Variants in SEMA3A observed in about 807,000 individuals in gnomAD.
SEMA3A encodes semaphorin-3A.
In SEMA3A, 29 loss-of-function variants were observed where a neutral mutation model predicts 97.9. The ratio of observed to expected loss-of-function variants is 0.30; its 90% CI spans 0.22 to 0.40. SEMA3A has a LOEUF of 0.40. Ranked by LOEUF, SEMA3A falls within the 10% of genes least tolerant of loss-of-function variation. The probability of loss-of-function intolerance (pLI) is 1.00; values close to 1 mark genes in which losing one functional copy is unlikely to be tolerated. For synonymous variants in SEMA3A, 321 were observed against 323.7 expected, an observed-to-expected ratio of 0.99 and a Z score of 0.09; for missense variants, 763 against 951.3, an observed-to-expected ratio of 0.80 and a Z score of 2.60.
At chr7:84,313,028 T>A (rs1801383432) in intron 2 of SEMA3A, among the ~76,000 whole-genome samples, 2 of 143,732 alleles carry the variant, frequency 1.4e-5, no homozygotes. Flanking sequence ...TATGTAGGTA[T>A]ACATACACAT....
At chr7:84,044,059 T>C (rs1420358713) in intron 6 of SEMA3A, among the ~76,000 whole-genome samples, 1 of 152,070 alleles carries the variant, frequency 6.6e-6, no homozygotes, top group Non-Finnish European at 1.5e-5. Flanking sequence ...AGAAAGCCTT[T>C]ATGCCCTTTA....
chr7:84,277,432 A>G (rs1434655942), intron 3 of SEMA3A, among the ~76,000 whole-genome samples: 1 of 152,130 alleles, frequency 6.6e-6, no homozygotes, highest in Non-Finnish European at 1.5e-5. Flanking sequence ...AATAATGAGC[A>G]CATTCACTAC....
intron 1 of SEMA3A, among the ~76,000 whole-genome samples, chr7:84,188,082 C>T (rs182337615): frequency 9.9e-5 from 15 of 152,124 alleles, no homozygotes; most frequent in South Asian, 4.1e-4. Flanking sequence ...TAGTTTCCCA[C>T]GCCACATTTC....
intron 4 of SEMA3A, among the ~76,000 whole-genome samples, chr7:84,063,883 G>A (rs954434518): frequency 4.0e-5 from 6 of 150,156 alleles, no homozygotes; most frequent in Non-Finnish European, 7.4e-5. Flanking sequence ...AATCTAGCAA[G>A]GCAAGCCAAC....
chr7:84,060,013 C>A (rs543929518), intron 5 of SEMA3A, among the ~76,000 whole-genome samples: 19 of 152,112 alleles, frequency 1.2e-4, no homozygotes, highest in Non-Finnish European at 5.9e-5. Flanking sequence ...GAGGAGAAAG[C>A]TAGAAAAGAT....
At chr7:84,127,766 A>T (rs150404898) in intron 3 of SEMA3A, among the ~76,000 whole-genome samples, 4 of 152,312 alleles carry the variant, frequency 2.6e-5, no homozygotes, top group African/African-American at 9.6e-5. Context: ...ACATCATTGT[A>T]GGCAACTGTA....
chr7:84,424,851 A>G (rs1291861565), intron 1 of SEMA3A, among the ~76,000 whole-genome samples: 2 of 79,542 alleles, frequency 2.5e-5, no homozygotes, highest in Non-Finnish European at 4.4e-5. Flanking sequence ...ATTTATATAT[A>G]AATAATTTAT....
intron 3 of SEMA3A, among the ~76,000 whole-genome samples, chr7:84,299,470 T>C (rs765380572): frequency 7.9e-5 from 12 of 151,316 alleles, no homozygotes; most frequent in Non-Finnish European, 1.5e-4. Context: ...GATGCACTTA[T>C]TGGTCAATAT....
At chr7:84,184,904 A>T (rs1797833583) in intron 1 of SEMA3A, among the ~76,000 whole-genome samples, 1 of 152,140 alleles carries the variant, frequency 6.6e-6, no homozygotes, top group Non-Finnish European at 1.5e-5. Context: ...TTAGACAGCA[A>T]CATTGAACAA....
chr7:84,079,143 A>G (rs73378840), intron 4 of SEMA3A, among the ~76,000 whole-genome samples: 2,763 of 152,256 alleles, frequency 0.018, 86 homozygotes, highest in African/African-American at 0.063. Context: ...CAGGCATTTA[A>G]TTTGTTTTTT....
At chr7:84,122,281 C>G (rs914122007) in intron 3 of SEMA3A, among the ~76,000 whole-genome samples, 1 of 152,058 alleles carries the variant, frequency 6.6e-6, no homozygotes, top group Non-Finnish European at 1.5e-5. Context: ...TGAACAGACA[C>G]TTCTCAAAAG....
At chr7:84,053,672 C>A (rs1287173462) in intron 5 of SEMA3A, among the ~76,000 whole-genome samples, 2 of 149,778 alleles carry the variant, frequency 1.3e-5, no homozygotes, top group Non-Finnish European at 3.0e-5. Context: ...ATCCAATTTG[C>A]CAGTCTGTGT....
At chr7:84,382,528 C>G (rs926914841) in intron 1 of SEMA3A, among the ~76,000 whole-genome samples, 2 of 151,270 alleles carry the variant, frequency 1.3e-5, no homozygotes, top group African/African-American at 4.9e-5. Flanking sequence ...CATTTTAGAT[C>G]CTGTTTCAAA....
chr7:83,961,765 T>A lies in SEMA3A; in HGVS notation c.1922A>T (p.Gln641Leu), dbSNP rs749954349. The A allele has an allele frequency of 6.8e-6, 11 of 1,613,918 alleles. No homozygotes were observed. The highest frequency in any genetic ancestry group is 5.3e-5 in the African/African-American group (4 of 74,920). The change falls in exon 17 of 17, where the codon CAG (glutamine) becomes CTG (leucine). Residue 641 changes from glutamine (Q) to leucine (L), a missense_variant. Physicochemically the swap from Gln to Leu is moderately radical, Grantham distance 113. This residue lies in a region of SEMA3A where 678 missense variants were observed against 881.3 expected (regional missense o/e 0.77). Transcript: ENST00000265362. ...DQGLLLRSLQ[Q>L]KDSGNYLCHA... ...GCAGAGGTAATTGCCTGAATCCTTC[T>A]GTTGTAGACTACGTAGCAGAAGGCC...
intron 3 of SEMA3A, among the ~76,000 whole-genome samples, chr7:84,263,944 G>A (rs1317730139): frequency 1.3e-5 from 2 of 152,010 alleles, no homozygotes; most frequent in African/African-American, 4.8e-5. Context: ...ATGTATTCTG[G>A]CATATTTCAA....
intron 1 of SEMA3A, among the ~76,000 whole-genome samples, chr7:84,405,062 A>G (rs1365540238): frequency 6.6e-6 from 1 of 152,214 alleles, no homozygotes; most frequent in Admixed American, 6.5e-5. Flanking sequence ...CTTAAATGTA[A>G]ATGGGCTAAA....
chr7:84,255,414 C>G (rs1031720752), intron 3 of SEMA3A, among the ~76,000 whole-genome samples: 6 of 152,064 alleles, frequency 3.9e-5, no homozygotes, highest in Non-Finnish European at 8.8e-5. Context: ...TCTTTCATAG[C>G]CAGACTTCTT....
chr7:84,428,820 G>A (rs1804894284), intron 1 of SEMA3A, among the ~76,000 whole-genome samples: 2 of 152,156 alleles, frequency 1.3e-5, no homozygotes, highest in East Asian at 1.9e-4. Flanking sequence ...ACTATCAAAT[G>A]TAAGTAACTT....
intron 1 of SEMA3A, among the ~76,000 whole-genome samples, chr7:84,155,727 G>A (rs541148610): frequency 8.7e-4 from 132 of 152,106 alleles, no homozygotes; most frequent in African/African-American, 3.1e-3. Flanking sequence ...TCCATTTGCT[G>A]GTAAGAGCTG....
Sources: gnomAD v4.1 joint callset for allele counts (sites outside exome capture counted in the v4.1 genomes callset) on GRCh38, gnomAD v4.1.1 for gene constraint, gnomAD v4.1.1 regional missense constraint, MANE v1.5 for transcripts, NCBI Gene and HGNC (gene_info 2026-07-23, HGNC 2026-07-21) for gene names.